The following WWOX variants were observed in gnomAD, a reference collection of about 807,000 sequenced individuals.
WWOX encodes the protein WW domain-containing oxidoreductase.
Under a neutral mutation model 46.2 loss-of-function variants are expected in WWOX, and 69 were observed. The observed-to-expected ratio is 1.49, with a 90% CI of 1.23 to 1.82. The LOEUF (loss-of-function observed/expected upper bound fraction) is 1.82, where lower values mean the gene tolerates loss of function less well. Ranked by LOEUF, WWOX falls within the 40% of genes most tolerant of loss-of-function variation. The pLI, the probability that WWOX is intolerant of heterozygous loss-of-function variation, is 0.00. For synonymous variants in WWOX, 359 were observed against 202.6 expected (o/e 1.77, Z -6.56); for missense variants, 919 against 542.6 (o/e 1.69, Z -6.89).
intron 8 of WWOX, among the ~76,000 whole-genome samples, chr16:78,944,461 T>C (rs57904353): frequency 0.028 from 4,281 of 152,258 alleles, 217 homozygotes; most frequent in East Asian, 0.18. Context: ...AATATGATAC[T>C]CTGAACATCT....
intron 8 of WWOX, among the ~76,000 whole-genome samples, chr16:78,669,983 C>G (rs1296660272): frequency 6.6e-6 from 1 of 152,136 alleles, no homozygotes; most frequent in Non-Finnish European, 1.5e-5. Flanking sequence ...CATCCTCCCC[C>G]ACCAGTAATG....
chr16:78,425,352 T>C (rs2151960324), intron 7 of WWOX, among the ~76,000 whole-genome samples: 1 of 152,324 alleles, frequency 6.6e-6, no homozygotes, highest in African/African-American at 2.4e-5. Context: ...ATGACCTTTA[T>C]TGATTTGTAA....
At chr16:79,166,403 T>G (rs1295898048) in intron 8 of WWOX, among the ~76,000 whole-genome samples, 1 of 152,136 alleles carries the variant, frequency 6.6e-6, no homozygotes. Flanking sequence ...CCCTTTTGCC[T>G]CCTCTTTAGT....
chr16:78,362,787 A>C (rs1035568227), intron 5 of WWOX, among the ~76,000 whole-genome samples: 10 of 152,208 alleles, frequency 6.6e-5, no homozygotes, highest in African/African-American at 2.4e-4. Flanking sequence ...TAAATATACC[A>C]CAAGCATTAT....
intron 8 of WWOX, among the ~76,000 whole-genome samples, chr16:79,192,289 A>G (rs898629238): frequency 2.0e-5 from 3 of 151,512 alleles, no homozygotes; most frequent in African/African-American, 7.3e-5. Context: ...AACAGCTGTT[A>G]TTTTCGCAGT....
intron 6 of WWOX, among the ~76,000 whole-genome samples, chr16:78,411,598 A>G (rs1367390575): frequency 1.3e-5 from 2 of 152,170 alleles, no homozygotes; most frequent in African/African-American, 4.8e-5. Context: ...TTTGTGTTTA[A>G]TTTAGCAGAC....
rs1000079161 is a variant in WWOX at position 78,432,534 on chromosome 16, C to G, written c.838C>G (p.Leu280Val). 5 of 1,614,060 alleles carry G rather than the reference C, an allele frequency of 3.1e-6. No individual in the cohort carries two copies. In the African/African-American group the frequency reaches 4.0e-5, roughly 13 times the overall value. The change falls in exon 8 of 9, where the codon CTC becomes GTC. Residue 280 changes from leucine to valine, a missense_variant. Leu to Val is a conservative substitution (Grantham distance 32). Coordinates refer to ENST00000566780, the MANE Select transcript of WWOX (RefSeq NM_016373.4). ...CTTGGGAAAACTGGACTTCAGTCGCCTCTCTCCAACAAAAAACGACTATTG... is the reference window on the plus strand; with the variant it reads ...CTTGGGAAAACTGGACTTCAGTCGCGTCTCTCCAACAAAAAACGACTATTG... ...DSLGKLDFSRLSPTKNDYWAM... is the reference protein window; with the variant it reads ...DSLGKLDFSRVSPTKNDYWAM...
At chr16:79,066,368 G>GGA (rs2048441644) in intron 8 of WWOX, among the ~76,000 whole-genome samples, 1 of 152,116 alleles carries the variant, frequency 6.6e-6, no homozygotes, top group South Asian at 2.1e-4. Flanking sequence ...GGACATAGTA[G>GGA]ACTCCATCAG....
At chr16:78,114,338 G>T (rs1208296112) in intron 3 of WWOX, among the ~76,000 whole-genome samples, 1 of 152,086 alleles carries the variant, frequency 6.6e-6, no homozygotes, top group Non-Finnish European at 1.5e-5. Context: ...GGGCTCAAGT[G>T]GTCCTCTTGC....
chr16:78,825,780 A>G, intron 8 of WWOX: 1 of 596,042 alleles, frequency 1.7e-6, no homozygotes, highest in Non-Finnish European at 3.1e-6. Context: ...TAGTACATTG[A>G]TGCTGTTGTG....
intron 8 of WWOX, among the ~76,000 whole-genome samples, chr16:79,118,188 G>T (rs1470095424): frequency 1.3e-5 from 2 of 152,168 alleles, no homozygotes; most frequent in African/African-American, 4.8e-5. Context: ...GCCATTGAAG[G>T]GTTGTAAGTT....
intron 8 of WWOX, among the ~76,000 whole-genome samples, chr16:78,946,222 G>C (rs185727411): frequency 1.9e-3 from 292 of 152,056 alleles, no homozygotes; most frequent in South Asian, 3.5e-3. Flanking sequence ...ACTGAGTCTT[G>C]CTCTGTCGCC....
chr16:79,124,719 T>C (rs745545590), intron 8 of WWOX, among the ~76,000 whole-genome samples: 1 of 152,216 alleles, frequency 6.6e-6, no homozygotes, highest in Non-Finnish European at 1.5e-5. Flanking sequence ...AAAACAGATG[T>C]GAAACATTTG....
chr16:78,222,748 A>G (rs2036933382), intron 5 of WWOX, among the ~76,000 whole-genome samples: 1 of 152,224 alleles, frequency 6.6e-6, no homozygotes, highest in Admixed American at 6.5e-5. Flanking sequence ...AATTTGTAAT[A>G]TTAATTGGCC....
At chr16:78,800,309 C>A (rs1289789078) in intron 8 of WWOX, among the ~76,000 whole-genome samples, 1 of 151,510 alleles carries the variant, frequency 6.6e-6, no homozygotes, top group Non-Finnish European at 1.5e-5. Context: ...GCCTGTTTTT[C>A]TGTAAATGTG....
intron 8 of WWOX, among the ~76,000 whole-genome samples, chr16:78,739,575 C>G (rs1013349165): frequency 2.6e-5 from 4 of 152,104 alleles, no homozygotes; most frequent in African/African-American, 9.7e-5. Context: ...CTTTGGGAGG[C>G]TGAGGCAGAT....
chr16:78,689,632 T>C (rs2047940631), intron 8 of WWOX, among the ~76,000 whole-genome samples: 1 of 152,170 alleles, frequency 6.6e-6, no homozygotes, highest in Non-Finnish European at 1.5e-5. Flanking sequence ...TTGGTTAAGT[T>C]GGAATACTCC....
chr16:79,100,046 G>T (rs1324449037), intron 8 of WWOX, among the ~76,000 whole-genome samples: 1 of 152,126 alleles, frequency 6.6e-6, no homozygotes, highest in African/African-American at 2.4e-5. Flanking sequence ...TCTTCCAAAT[G>T]ATTGACTCCG....
chr16:79,003,343 C>T (rs2047130472), intron 8 of WWOX, among the ~76,000 whole-genome samples: 1 of 152,182 alleles, frequency 6.6e-6, no homozygotes, highest in Non-Finnish European at 1.5e-5. Flanking sequence ...TTGCTGAGAT[C>T]CTGCTGTATA....
Sources: allele counts gnomAD v4.1 joint callset (sites outside exome capture counted in the v4.1 genomes callset), GRCh38; gene constraint gnomAD v4.1.1; transcripts MANE v1.5; gene names NCBI Gene and HGNC (gene_info 2026-07-23, HGNC 2026-07-21).